TBXAS1: variants seen among roughly 807,000 people sequenced by gnomAD.
The protein encoded by TBXAS1 is thromboxane-A synthase.
A neutral mutation model predicts 60.7 loss-of-function variants in TBXAS1; 48 were observed. The ratio of observed to expected loss-of-function variants is 0.79; its 90% CI spans 0.63 to 1.01. TBXAS1 has a LOEUF of 1.01. Ranked by LOEUF, TBXAS1 falls within the 50% of genes least tolerant of loss-of-function variation. TBXAS1 has a pLI of 0.00. For missense variants in TBXAS1, 685 were observed against 686.3 expected (o/e 1.00, Z 0.02); for synonymous variants, 287 against 269.7 (o/e 1.06, Z -0.63).
chr7:140,000,972 G>A (rs1813632472), intron 9 of TBXAS1, among the ~76,000 whole-genome samples: 1 of 152,212 alleles, frequency 6.6e-6, no homozygotes, highest in Non-Finnish European at 1.5e-5. Context: ...CAAGATGGGT[G>A]GGACAGCATT....
At chr7:139,792,028 AT>A (rs1797401551) in intron 4 of TBXAS1, among the ~76,000 whole-genome samples, 1 of 152,142 alleles carries the variant, frequency 6.6e-6, no homozygotes, top group African/African-American at 2.4e-5. Context: ...GGTATGCTAT[AT>A]CCCATAGAAA....
intron 5 of TBXAS1, among the ~76,000 whole-genome samples, chr7:139,937,579 A>G (rs1297243285): frequency 6.6e-6 from 1 of 152,178 alleles, no homozygotes. Context: ...TCACACTCAC[A>G]CAGCTCAGAG....
rs758045026 is a variant in TBXAS1 at position 139,936,151 on chromosome 7, C to T, written c.334-40C>T. On this transcript the variant is annotated intron_variant, in intron 4 of 12. Transcript: ENST00000448866. ...TGTATTGCCACCAAGGTGGCTTTGGCTCCCTGAGTCCTGACCCTCTGCTTG... is the reference window on the plus strand; with the variant it reads ...TGTATTGCCACCAAGGTGGCTTTGGTTCCCTGAGTCCTGACCCTCTGCTTG... The T allele has an allele frequency of 2.5e-6, 4 of 1,608,024 alleles. No homozygotes were observed. The East Asian group carries it at 8.9e-5, about 36-fold the overall frequency.
At chr7:139,888,939 A>C (rs903671343) in intron 3 of TBXAS1, among the ~76,000 whole-genome samples, 5 of 152,218 alleles carry the variant, frequency 3.3e-5, no homozygotes, top group African/African-American at 1.2e-4. Flanking sequence ...AGTTAAAAAA[A>C]AAAACTAGCA....
At chr7:139,979,208 C>T (rs1298888179) in intron 9 of TBXAS1, among the ~76,000 whole-genome samples, 6 of 152,140 alleles carry the variant, frequency 3.9e-5, no homozygotes, top group Admixed American at 3.3e-4. Context: ...GTCTCTGTCA[C>T]GGTGATGAGA....
chr7:139,978,025 G>A (rs181010023), intron 9 of TBXAS1, among the ~76,000 whole-genome samples: 1 of 152,218 alleles, frequency 6.6e-6, no homozygotes, highest in East Asian at 1.9e-4. Flanking sequence ...TCACTTGAAC[G>A]ATGTCGGGGG....
At chr7:139,779,567 G>A (rs1156403544) in intron 1 of TBXAS1, among the ~76,000 whole-genome samples, 1 of 152,196 alleles carries the variant, frequency 6.6e-6, no homozygotes, top group Non-Finnish European at 1.5e-5. Flanking sequence ...AATAGGTCTC[G>A]TGGCTCCCAC....
intron 10 of TBXAS1, 101 bp from the exon 11 acceptor site, chr7:140,015,622 C>T: frequency 7.4e-7 from 1 of 1,357,326 alleles, no homozygotes; most frequent in Non-Finnish European, 1.0e-6. Context: ...TGCTGCCTGC[C>T]CCTGATCCCC....
At chr7:139,873,110 G>A (rs570922570) in intron 2 of TBXAS1, among the ~76,000 whole-genome samples, 1 of 152,176 alleles carries the variant, frequency 6.6e-6, no homozygotes, top group African/African-American at 2.4e-5. Flanking sequence ...GAAGAAGGAG[G>A]TCCTTCAGGG....
rs556785998 is a variant in TBXAS1, at chr7:139,933,655, G to A, written c.334-2536G>A. On this transcript the variant is annotated intron_variant, in intron 4 of 12. Transcript: ENST00000448866. ...TCCTCTCTAGATACTTTGCAGTTAC[G>A]TTTTATGGCTTATTTTGAGTGTTCA... 3.3e-5 allele frequency among the ~76,000 whole-genome samples: 5 copies of A among 152,166 alleles called. No homozygotes were observed. In the South Asian group the frequency reaches 6.2e-4, roughly 19 times the overall value.
At chr7:139,837,815 TA>T (rs1197108276) in intron 1 of TBXAS1, among the ~76,000 whole-genome samples, 1 of 151,482 alleles carries the variant, frequency 6.6e-6, no homozygotes, top group Non-Finnish European at 1.5e-5. Flanking sequence ...TATGGAAAAA[TA>T]AAAAAACAAA....
chr7:140,011,881 A>G (rs1390076790), intron 10 of TBXAS1, among the ~76,000 whole-genome samples: 3 of 152,148 alleles, frequency 2.0e-5, no homozygotes, highest in Non-Finnish European at 4.4e-5. Flanking sequence ...AGGTGAGCAG[A>G]TAAATAACTA....
At chr7:139,784,940 A>G (rs1049637979) in intron 3 of TBXAS1, among the ~76,000 whole-genome samples, 1 of 152,144 alleles carries the variant, frequency 6.6e-6, no homozygotes, top group Non-Finnish European at 1.5e-5. Context: ...ACATGGCAGC[A>G]TTTCTCAAAG....
At chr7:139,817,759 T>C (rs1798187868) in intron 4 of TBXAS1, among the ~76,000 whole-genome samples, 1 of 152,254 alleles carries the variant, frequency 6.6e-6, no homozygotes. Flanking sequence ...TCACTCATTA[T>C]ATCCTTCTTA....
intron 4 of TBXAS1, among the ~76,000 whole-genome samples, chr7:139,929,404 A>C (rs994101364): frequency 2.6e-4 from 40 of 152,128 alleles, no homozygotes; most frequent in African/African-American, 8.7e-4. Flanking sequence ...GTGATGGCTA[A>C]TTTAGTGATG....
At chr7:139,821,079 A>G (rs1183707744) in intron 4 of TBXAS1, among the ~76,000 whole-genome samples, 5 of 152,194 alleles carry the variant, frequency 3.3e-5, no homozygotes, top group Admixed American at 3.3e-4. Flanking sequence ...AATGAGGGAG[A>G]CTTCATAGGC....
intron 3 of TBXAS1, among the ~76,000 whole-genome samples, chr7:139,892,743 G>C (rs1803732700): frequency 6.6e-6 from 1 of 152,206 alleles, no homozygotes; most frequent in African/African-American, 2.4e-5. Context: ...TTCCAACTGG[G>C]ATTCCACTGC....
Position 140,017,839 on chromosome 7 carries a change from G to C in TBXAS1, c.1527+6G>C. The C allele has an allele frequency of 6.2e-7, 1 of 1,614,044 alleles. No individual in the cohort carries two copies. Reference sequence around the variant, plus strand: ...AAGCCTGCCCTGAGACCCAGGTGAGGCCCCCCTGCTCAGAGGCAGGGGCAG... The same window carrying C: ...AAGCCTGCCCTGAGACCCAGGTGAGCCCCCCCTGCTCAGAGGCAGGGGCAG... On this transcript the variant is annotated splice_donor_region_variant and intron_variant, in intron 12 of 12. Transcript: ENST00000448866.
chr7:139,904,254 G>GT lies in TBXAS1; in HGVS notation c.237-6970dup, dbSNP rs1248813405. On this transcript the variant is annotated intron_variant, in intron 3 of 12. Transcript: ENST00000448866. ...TTGCTTTGTCGAAGATCAGTTGGTT[G>GT]TAAGTATTTGAGTTTATTTCTGGGT... 3.3e-5 allele frequency among the ~76,000 whole-genome samples: 5 copies of GT among 152,116 alleles called. No homozygotes were observed. In the East Asian group the frequency reaches 9.6e-4, roughly 29 times the overall value.
Sources: gnomAD v4.1 joint callset for allele counts (sites outside exome capture counted in the v4.1 genomes callset) on GRCh38, gnomAD v4.1.1 for gene constraint, MANE v1.5 for transcripts, NCBI Gene and HGNC (gene_info 2026-07-23, HGNC 2026-07-21) for gene names.